TP53I13: variants seen among roughly 807,000 people sequenced by gnomAD.
TP53I13 encodes the protein tumor protein p53 inducible protein 13, also known as tumor protein p53-inducible protein 13.
Under a neutral mutation model 39.1 loss-of-function variants are expected in TP53I13, and 27 were observed. The observed-to-expected ratio is 0.69, with a 90% CI of 0.51 to 0.95. TP53I13 has a LOEUF of 0.95. Ranked by LOEUF, TP53I13 falls within the 40% of genes least tolerant of loss-of-function variation. The pLI is 0.00. For synonymous variants in TP53I13, 230 were observed against 224.6 expected (o/e 1.02, Z -0.22); for missense variants, 544 against 520.4 (o/e 1.05, Z -0.44).
Position 29,569,465 on chromosome 17 carries a change from T to G in TP53I13, c.183+106T>G, listed in dbSNP as rs546769120. 7.0e-4 allele frequency: 778 copies of G among 1,110,948 alleles called. 6 individuals are homozygous for G. In the African/African-American group the frequency reaches 0.011, roughly 16 times the overall value. 68.8% of individuals were successfully genotyped at this position (1,110,948 alleles called of 1,614,324 possible). A position where few individuals can be genotyped will look rare whatever the true frequency, so the allele number is the denominator to read the frequency against. ...GCTGATCGGCCCCATTCCTTACCAC[T>G]TCCCTCAGGCAGAGGCAGGGTTCTA... On this transcript the variant is annotated intron_variant, in intron 3 of 6. Coordinates refer to ENST00000301057, the MANE Select transcript of TP53I13 (RefSeq NM_138349.4).
chr17:29,569,028 G>C lies in TP53I13; in HGVS notation c.83G>C (p.Gly28Ala). The C allele has an allele frequency of 6.2e-7, 1 of 1,609,588 alleles. No homozygotes were observed. Among genetic ancestry groups the C allele is most frequent in the Non-Finnish European group, 8.5e-7 (1 of 1,178,818 alleles). The stretch of plus-strand genomic sequence containing the variant: ...GCTTTGGACCCACAGGTGATGGCTG[G>C]ACCGGCGGAGGAGGCGGGAGCCCAT... ...RLLGPSEVMA[G>A]PAEEAGAHCP... The change falls in exon 2 of 7, where the codon GGA (glycine) becomes GCA (alanine). Residue 28 changes from glycine to alanine, a missense_variant. Physicochemically the swap from Gly to Ala is moderately conservative, Grantham distance 60 (BLOSUM62 0). Coordinates refer to ENST00000301057, the MANE Select transcript of TP53I13 (RefSeq NM_138349.4).
chr17:29,581,685 A>C, the TP53I13 span: 6 of 1,418,676 alleles, frequency 4.2e-6, no homozygotes, highest in South Asian at 6.9e-5. This position sits in a 1 kb window ranked among gnomAD's most constrained non-coding sequence, Gnocchi z 4.8. Context: ...TCCAGGTCCC[A>C]CCTGCCCAGC....
chr17:29,573,203 G>A (rs2033038920), downstream of TP53I13: 2 of 336,056 alleles, frequency 6.0e-6, no homozygotes, highest in Admixed American at 5.0e-5. Flanking sequence ...ACTCCCACCC[G>A]GACCCTCGTC....
the TP53I13 span, chr17:29,581,399 G>A: frequency 1.2e-6 from 2 of 1,605,344 alleles, no homozygotes; most frequent in Admixed American, 1.7e-5. This position sits in a 1 kb window ranked among gnomAD's most constrained non-coding sequence, Gnocchi z 4.8. Flanking sequence ...AAATAAAAAT[G>A]CCAAGTCACT....
At chr17:29,582,141 G>A in the TP53I13 span, 1 of 1,564,136 alleles carries the variant, frequency 6.4e-7, no homozygotes. Context: ...CTCGAGTGTA[G>A]TTGCTAAGAG....
At chr17:29,566,511 G>A (rs377023342), upstream of TP53I13, 3 of 1,610,602 alleles carry the variant, frequency 1.9e-6, no homozygotes, top group Non-Finnish European at 2.5e-6. Context: ...GGCCCCCGGC[G>A]CTGGTGATCC....
intron 6 of TP53I13, 22 bp downstream of exon 6, chr17:29,572,719 C>T (rs1023801532): frequency 6.6e-7 from 1 of 1,510,864 alleles, no homozygotes; most frequent in Admixed American, 2.1e-5. Context: ...CCTCCCTACC[C>T]TACCCGAGGC....
chr17:29,575,585 C>A (rs758687693), downstream of TP53I13: 2 of 1,592,096 alleles, frequency 1.3e-6, no homozygotes, highest in South Asian at 1.1e-5. The surrounding 1 kb of genome is among the most constrained non-coding windows in gnomAD (Gnocchi z 5.5). Flanking sequence ...AACCTCCCCG[C>A]CTCGGCATGT....
At chr17:29,576,739 G>C, downstream of TP53I13, 12 of 1,600,750 alleles carry the variant, frequency 7.5e-6, no homozygotes, top group Non-Finnish European at 1.0e-5. Context: ...GCAGGGGGCA[G>C]TTATTGAGGC....
downstream of TP53I13, chr17:29,576,964 C>T (rs780871975): frequency 1.2e-6 from 2 of 1,601,872 alleles, no homozygotes; most frequent in Non-Finnish European, 1.7e-6. Context: ...TCGTCGAGGT[C>T]ACTCTGGCTC....
chr17:29,577,228 C>T (rs753010418), downstream of TP53I13: 3 of 1,613,804 alleles, frequency 1.9e-6, no homozygotes, highest in East Asian at 2.2e-5. Flanking sequence ...GGCATTAAAG[C>T]GGGCCAGCTT....
the TP53I13 span, chr17:29,579,081 A>G: frequency 8.9e-7 from 1 of 1,123,054 alleles, no homozygotes. Context: ...CATCAGGCCC[A>G]GACCCATCTC....
At chr17:29,569,392 G>C (rs1357710229) in intron 3 of TP53I13, 33 bp downstream of exon 3, 1 of 1,610,192 alleles carries the variant, frequency 6.2e-7, no homozygotes, top group African/African-American at 1.3e-5. Flanking sequence ...CACCCTTGGT[G>C]TCCACGCCTG....
At chr17:29,567,380 CA>C, upstream of TP53I13, 1 of 152,206 alleles carries the variant, frequency 6.6e-6, no homozygotes, top group Admixed American at 6.5e-5. The surrounding 1 kb of genome is among the most constrained non-coding windows in gnomAD (Gnocchi z 6.6). Flanking sequence ...GCTGCGCCCT[CA>C]GAGGCCGATG....
chr17:29,580,667 A>ATCTTT, the TP53I13 span, among the ~76,000 whole-genome samples: 2 of 152,064 alleles, frequency 1.3e-5, no homozygotes, highest in African/African-American at 2.4e-5. Flanking sequence ...AAGCCCACCC[A>ATCTTT]TCTTTTCAGC....
At chr17:29,575,589 G>A (rs376133502), downstream of TP53I13, 31 of 1,591,192 alleles carry the variant, frequency 1.9e-5, no homozygotes, top group Admixed American at 6.7e-5. This position sits in a 1 kb window ranked among gnomAD's most constrained non-coding sequence, Gnocchi z 5.5. Flanking sequence ...TCCCCGCCTC[G>A]GCATGTGAGC....
chr17:29,571,773 G>T, intron 4 of TP53I13, 54 bp downstream of exon 4: 4 of 1,613,586 alleles, frequency 2.5e-6, no homozygotes, highest in African/African-American at 1.3e-5. Flanking sequence ...CTATGGCCCC[G>T]TGTGCAGGGA....
At chr17:29,580,254 T>C in the TP53I13 span, among the ~76,000 whole-genome samples, 2 of 152,210 alleles carry the variant, frequency 1.3e-5, no homozygotes, top group African/African-American at 2.4e-5. Context: ...GGAGCCCATA[T>C]TTGGGTGTAT....
downstream of TP53I13, chr17:29,576,752 G>A (rs2033219526): frequency 6.3e-7 from 1 of 1,591,852 alleles, no homozygotes; most frequent in Admixed American, 1.7e-5. Flanking sequence ...ATTGAGGCTA[G>A]GAGCAGCCCA....
Sources: gnomAD v4.1 joint callset for allele counts (sites outside exome capture counted in the v4.1 genomes callset) on GRCh38, gnomAD v4.1.1 for gene constraint, Gnocchi (gnomAD v3.1) non-coding constraint, MANE v1.5 for transcripts, NCBI Gene and HGNC (gene_info 2026-07-23, HGNC 2026-07-21) for gene names.